The following HCFC1 variants were observed in gnomAD, a reference collection of about 807,000 sequenced individuals.
HCFC1 encodes the protein host cell factor C1, also known as host cell factor 1.
Under a neutral mutation model 105.5 loss-of-function variants are expected in HCFC1, and 7 were observed. The ratio of observed to expected loss-of-function variants is 0.07; its 90% confidence interval spans 0.04 to 0.12. The LOEUF (loss-of-function observed/expected upper bound fraction) is 0.12, where lower values mean the gene tolerates loss of function less well. HCFC1 is among the 10% of genes least tolerant of loss of function. The pLI is 1.00. For synonymous variants in HCFC1, 918 were observed against 828.1 expected, an observed-to-expected ratio of 1.11 and a Z score of -1.86; for missense variants, 1,065 against 1,823.6, an observed-to-expected ratio of 0.58 and a Z score of 7.58.
At chrX:153,968,204 C>A (rs2065490561) in intron 1 of HCFC1, among the ~76,000 whole-genome samples, 1 of 111,492 alleles carries the variant, frequency 9.0e-6, no homozygotes, top group African/African-American at 3.3e-5. Context: ...TGGCTTGCCA[C>A]ATGGAACTAA....
intron 10 of HCFC1, 56 bp from the exon 11 acceptor site, chrX:153,958,305 C>A: frequency 1.0e-6 from 1 of 958,925 alleles, no homozygotes; most frequent in Non-Finnish European, 1.5e-6. Flanking sequence ...GGGGAAACCA[C>A]CCAAGATGTC....
In HCFC1 at chrX:153,952,176, G is replaced by C; in HGVS notation, c.4943-18C>G. On this transcript the variant is annotated intron_variant, in intron 19 of 25. Coordinates refer to ENST00000310441, the MANE Select transcript of HCFC1 (RefSeq NM_005334.3). ...GCCGGTGCCTGCTCCAGGGTCGAGA[G>C]AAACACTACTTACTAGGAAGGCTGG... 6 of 1,094,787 alleles carry C rather than the reference G, an allele frequency of 5.5e-6. No individual in the cohort carries two copies. Among genetic ancestry groups the C allele is most frequent in the Non-Finnish European group, 7.1e-6 (6 of 843,734 alleles). 90.2% of individuals were successfully genotyped at this position (1,094,787 alleles called of 1,213,427 possible).
In HCFC1 at chrX:153,971,470, C is replaced by T. The variant is rs1253045561; in HGVS notation, c.-630G>A. Reference sequence around the variant, plus strand: ...GGAGGCGGGCCGGAGGCCGGTGGAACCAGCTCGAGCTCTCGAGGGCCGTTT... The same window carrying T: ...GGAGGCGGGCCGGAGGCCGGTGGAATCAGCTCGAGCTCTCGAGGGCCGTTT... On this transcript the variant is annotated 5_prime_UTR_variant, in exon 1 of 26. Transcript: ENST00000310441. The T allele has an allele frequency of 3.4e-6, 1 of 295,229 alleles. No individual in the cohort carries two copies. The highest frequency in any genetic ancestry group is 5.9e-6 in the Non-Finnish European group (1 of 168,822). 24.3% of individuals were successfully genotyped at this position (295,229 alleles called of 1,213,427 possible). A position where few individuals can be genotyped will look rare whatever the true frequency, so the allele number is the denominator to read the frequency against.
intron 6 of HCFC1, among the ~76,000 whole-genome samples, 179 bp downstream of exon 6, chrX:153,961,363 A>G (rs2065427908): frequency 8.9e-6 from 1 of 112,126 alleles, no homozygotes; most frequent in Admixed American, 9.4e-5. Flanking sequence ...GAGCTCATTC[A>G]AAAAACTCAG....
chrX:153,969,330 G>A (rs1476126889), intron 1 of HCFC1: 2 of 111,083 alleles, frequency 1.8e-5, no homozygotes, highest in African/African-American at 6.6e-5. Flanking sequence ...GAGGCCAGGG[G>A]ATCGCTAGAG....
At position 153,957,980 on chromosome X, in the gene HCFC1, T is replaced by A. The variant is rs782731182; in HGVS notation, c.2028+45A>T. 2.6e-6 allele frequency: 3 copies of A among 1,172,936 alleles called. No individual in the cohort carries two copies. The Admixed American group carries it at 6.5e-5, about 26-fold the overall frequency. On this transcript the variant is annotated intron_variant, in intron 11 of 25. Coordinates refer to ENST00000310441, the MANE Select transcript of HCFC1 (RefSeq NM_005334.3). ...TCCTGGAGCTGGCCCAGGGCGGCCA[T>A]TCACCACTGGCAGTGGCCGTAGCCT...
At position 153,963,385 on chromosome X, in the gene HCFC1, C is replaced by T. The variant is rs1557117505; in HGVS notation, c.552G>A (p.Val184=). ...AAGTGATGGGAATGTCCCAGGCTAC[C>T]ACTCCAGAGCCTGGCCGTAATTCCA... is the stretch of plus-strand genomic sequence containing the variant. ...YILELRPGSG[V]VAWDIPITYG... Residue 184 remains valine, a synonymous_variant, in exon 4 of 26, where the codon GTG becomes GTA. Coordinates refer to ENST00000310441, the MANE Select transcript of HCFC1 (RefSeq NM_005334.3). The T allele has an allele frequency of 8.3e-7, 1 of 1,210,091 alleles. No homozygotes were observed. Among genetic ancestry groups the T allele is most frequent in the East Asian group, 3.0e-5 (1 of 33,867 alleles).
Position 153,954,374 on chromosome X carries a change from G to A in HCFC1, c.4025C>T (p.Thr1342Met), listed in dbSNP as rs782413424. ...CTGCTGCCCACCCTCGGGCTGGCCC[G>A]TGCCCCCGTTTGAAGTAGCGGTGGT... ...TATTATSNGG[T>M]GQPEGGQQPP... The change falls in exon 17 of 26, where the codon ACG becomes ATG. Residue 1342 changes from threonine to methionine, a missense_variant. This residue lies in a region of HCFC1 where 546 missense variants were observed against 599.9 expected (regional missense o/e 0.91). Coordinates refer to ENST00000310441, the MANE Select transcript of HCFC1 (RefSeq NM_005334.3). The A allele has an allele frequency of 1.9e-5, 23 of 1,206,751 alleles. No homozygotes were observed. The highest frequency in any genetic ancestry group is 1.4e-4 in the African/African-American group (8 of 56,876).
At chrX:153,949,651 G>C (rs1557111912) in intron 24 of HCFC1, 35 bp from the exon 25 acceptor site, 2 of 1,134,128 alleles carry the variant, frequency 1.8e-6, no homozygotes, top group Admixed American at 4.4e-5. Flanking sequence ...GAGCAGCATT[G>C]TGACAGAACG....
Position 153,971,262 on chromosome X carries a change from G to A in HCFC1, c.-422C>T, listed in dbSNP as rs1439534063. ...CCCGGCCCGGTTCCCACACCCCCAA[G>A]TCCCCAGCACTGGCCGGCTTCCGGG... On this transcript the variant is annotated 5_prime_UTR_variant, in exon 1 of 26. Transcript: ENST00000310441. 6.5e-6 allele frequency: 2 copies of A among 306,015 alleles called. No homozygotes were observed. Among genetic ancestry groups the A allele is most frequent in the African/African-American group, 5.5e-5 (2 of 36,661 alleles). The allele number at this position is 306,015 out of a possible 1,213,427, so 25.2% of individuals were successfully genotyped here. A position where few individuals can be genotyped will look rare whatever the true frequency, so the allele number is the denominator to read the frequency against.
chrX:153,955,168 G>C lies in HCFC1; in HGVS notation c.3231C>G (p.Asn1077Lys). The C allele has an allele frequency of 8.3e-7, 1 of 1,211,843 alleles. No individual in the cohort carries two copies. The highest frequency in any genetic ancestry group is 1.1e-6 in the Non-Finnish European group (1 of 895,381). The change falls in exon 17 of 26, where the codon AAC (asparagine) becomes AAG (lysine). Residue 1077 changes from asparagine (N) to lysine (K), a missense_variant. By Grantham distance (94) the Asn-to-Lys change is moderately conservative. Around this residue, in one of 17 missense-constraint regions of HCFC1, gnomAD observed 546 missense variants for 599.9 expected, o/e 0.91. Transcript: ENST00000310441. ...CCGTCTCGTGGGTCTCGCAGGGCGGGTTCGAACAGACTCGGACCACGCTAC... is the reference window on the plus strand; with the variant it reads ...CCGTCTCGTGGGTCTCGCAGGGCGGCTTCGAACAGACTCGGACCACGCTAC... ...QNGSVVRVCS[N>K]PPCETHETGT...
At chrX:153,956,040 A>C (rs1006881244) in intron 16 of HCFC1, 151 bp downstream of exon 16, 1 of 507,041 alleles carries the variant, frequency 2.0e-6, no homozygotes, top group Non-Finnish European at 3.3e-6. Context: ...CACCAGGGAA[A>C]ATGCCCCAGG....
chrX:153,964,462 A>G lies in HCFC1; in HGVS notation c.342+116T>C, dbSNP rs12392452. ...TTCTGAGGTGGGCCAAGTTCAGAGC[A>G]GCCTTGGCAGACTCTCAAGCGTCCC... is the stretch of plus-strand genomic sequence containing the variant. On this transcript the variant is annotated intron_variant, in intron 2 of 25. Coordinates refer to ENST00000310441, the MANE Select transcript of HCFC1 (RefSeq NM_005334.3). 0.039 allele frequency: 35,741 copies of G among 924,929 alleles called. 6,545 individuals carry two copies. In the African/African-American group the frequency reaches 0.57, roughly 15 times the overall value. The allele number at this position is 924,929 out of a possible 1,213,427, so 76.2% of individuals were successfully genotyped here. A position where few individuals can be genotyped will look rare whatever the true frequency, so the allele number is the denominator to read the frequency against.
At chrX:153,956,819 C>T (rs1290390189) in intron 14 of HCFC1, 56 bp from the exon 15 acceptor site, 40 of 1,203,463 alleles carry the variant, frequency 3.3e-5, no homozygotes, top group African/African-American at 1.6e-4. Context: ...TAGATGCCAC[C>T]GATGCTGCCC....
At position 153,954,641 on chromosome X, in the gene HCFC1, C is replaced by G. The variant is rs374683078; in HGVS notation, c.3758G>C (p.Arg1253Pro). Residue 1253 changes from arginine (R) to proline (P), a missense_variant, in exon 17 of 26, where the codon CGC (arginine) becomes CCC (proline). Arg to Pro is a moderately radical substitution (Grantham distance 103). Coordinates refer to ENST00000310441, the MANE Select transcript of HCFC1 (RefSeq NM_005334.3). ...TRSSVGAGEP[R>P]MAPVCESLQG... is the part of the protein sequence containing the mutation. ...GAGGCTCTCGCACACAGGTGCCATG[C>G]GGGGCTCCCCAGCACCCACGCTGGA... 3.3e-6 allele frequency: 4 copies of G among 1,205,732 alleles called. No individual in the cohort carries two copies. The South Asian group carries it at 7.1e-5, about 21-fold the overall frequency.
Position 153,956,319 on chromosome X carries a change from T to C in HCFC1, c.2728A>G (p.Ile910Val). 8.2e-7 allele frequency: 1 copy of C among 1,212,208 alleles called. No individual in the cohort carries two copies. Among genetic ancestry groups the C allele is most frequent in the Non-Finnish European group, 1.1e-6 (1 of 895,507 alleles). The change falls in exon 16 of 26, where the codon ATC (isoleucine) becomes GTC (valine). Residue 910 changes from isoleucine to valine, a missense_variant. This residue lies in a region of HCFC1 where 137 missense variants were observed against 378.2 expected (regional missense o/e 0.36). Coordinates refer to ENST00000310441, the MANE Select transcript of HCFC1 (RefSeq NM_005334.3). ...GTGGCAATGGTGCCCAAGGTGGTGA[T>C]GGGCGTGGCCAGGGAAGCACTAGTG... is the stretch of plus-strand genomic sequence containing the variant. ...HSTSASLATP[I>V]TTLGTIATLS...
chrX:153,959,197 T>A (rs782160442), intron 9 of HCFC1, 134 bp downstream of exon 9: 14 of 679,963 alleles, frequency 2.1e-5, no homozygotes, highest in Non-Finnish European at 3.1e-5. Flanking sequence ...TTTCCCCATC[T>A]GCACGTCCCA....
intron 4 of HCFC1, 21 bp downstream of exon 4, chrX:153,963,204 G>T (rs782036918): frequency 9.4e-6 from 11 of 1,165,867 alleles, no homozygotes; most frequent in Non-Finnish European, 1.3e-5. Flanking sequence ...ATGGCTGCTG[G>T]GGTGCTACCA....
intron 5 of HCFC1, 123 bp from the exon 6 acceptor site, chrX:153,961,771 G>A: frequency 1.9e-6 from 1 of 521,227 alleles, no homozygotes; most frequent in Non-Finnish European, 3.3e-6. Flanking sequence ...CCCCAAGGAT[G>A]CGTGAAGCCT....
Sources: allele counts gnomAD v4.1 joint callset (sites outside exome capture counted in the v4.1 genomes callset), GRCh38; gene constraint gnomAD v4.1.1; regional missense constraint gnomAD v4.1.1; transcripts MANE v1.5; gene names NCBI Gene and HGNC (gene_info 2026-07-23, HGNC 2026-07-21).